PSTPIP2: variants seen among roughly 807,000 people sequenced by gnomAD.
PSTPIP2 encodes proline-serine-threonine phosphatase interacting protein 2.
In PSTPIP2, 33 loss-of-function variants were observed where a neutral mutation model predicts 63.3. The ratio of observed to expected loss-of-function variants is 0.52; its 90% CI spans 0.40 to 0.70. The LOEUF (loss-of-function observed/expected upper bound fraction) is 0.70, where lower values mean the gene tolerates loss of function less well. Ranked by LOEUF, PSTPIP2 falls within the 30% of genes least tolerant of loss-of-function variation. The probability of loss-of-function intolerance (pLI) is 0.00; values close to 1 mark genes in which losing one functional copy is unlikely to be tolerated. For synonymous variants in PSTPIP2, 125 were observed against 132.7 expected, an observed-to-expected ratio of 0.94 and a Z score of 0.40; for missense variants, 312 against 400.7, an observed-to-expected ratio of 0.78 and a Z score of 1.89.
At position 45,997,757 on chromosome 18, in the gene PSTPIP2, C is replaced by T. The variant is rs770882059; in HGVS notation, c.634G>A (p.Ala212Thr). 40 of 1,573,168 alleles carry T rather than the reference C, an allele frequency of 2.5e-5. No homozygotes were observed. In the East Asian group the frequency reaches 9.2e-4, roughly 36 times the overall value. ...REEWQSEHIK[A>T]CEAFEAQECE... Reference sequence around the variant, plus strand: ...CTTCCGGTTACGGGTACCTCGCAGGCCTTGATGTGCTCACTCTGCCACTCT... The same window carrying T: ...CTTCCGGTTACGGGTACCTCGCAGGTCTTGATGTGCTCACTCTGCCACTCT... Residue 212 changes from alanine to threonine, a missense_variant, in exon 9 of 15, where the codon GCC becomes ACC. Ala to Thr is a moderately conservative substitution (Grantham distance 58). Transcript: ENST00000409746.
At chr18:46,025,144 G>A (rs551672303) in intron 2 of PSTPIP2, among the ~76,000 whole-genome samples, 1 of 152,174 alleles carries the variant, frequency 6.6e-6, no homozygotes, top group African/African-American at 2.4e-5. Flanking sequence ...GCATTGCAGG[G>A]TCGGTCTCAG....
intron 1 of PSTPIP2, among the ~76,000 whole-genome samples, chr18:46,061,071 AG>A (rs758387675): frequency 6.6e-5 from 10 of 152,228 alleles, no homozygotes; most frequent in Admixed American, 1.3e-4. Flanking sequence ...CGGGAGGCCG[AG>A]ATGGGCAGAT....
At chr18:46,009,384 AAAAAAAAC>A (rs1472517706) in intron 5 of PSTPIP2, among the ~76,000 whole-genome samples, 8 of 136,232 alleles carry the variant, frequency 5.9e-5, no homozygotes, top group African/African-American at 1.8e-4. Flanking sequence ...AAAAAAAAAA[AAAAAAAAC>A]CTAGCTAAAT....
intron 1 of PSTPIP2, among the ~76,000 whole-genome samples, chr18:46,045,153 T>C (rs1293210111): frequency 1.3e-5 from 2 of 152,320 alleles, no homozygotes; most frequent in East Asian, 3.9e-4. Flanking sequence ...GCCATCCCAT[T>C]ACTGGGTATA....
intron 2 of PSTPIP2, 51 bp downstream of exon 2, chr18:46,039,896 G>A (rs1178671999): frequency 6.9e-7 from 1 of 1,445,458 alleles, no homozygotes; most frequent in Admixed American, 1.7e-5. Context: ...CCTTGTCTGT[G>A]TGGAGACATC....
rs542713696 is a variant in PSTPIP2 at position 46,069,194 on chromosome 18, G to A, written c.33+2962C>T. On this transcript the variant is annotated intron_variant, in intron 1 of 14. Coordinates refer to ENST00000409746, the MANE Select transcript of PSTPIP2 (RefSeq NM_024430.4). ...CTGCTTTCATCTACCCTTCCAAAAC[G>A]GGTCCCACTGTCACCCGTGCATGCC... Among the ~76,000 whole-genome samples, 26 of 152,236 alleles carry A rather than the reference G, an allele frequency of 1.7e-4. No individual in the cohort carries two copies. The South Asian group carries it at 3.9e-3, about 23-fold the overall frequency.
chr18:45,986,152 A>G (rs1248653064), intron 14 of PSTPIP2, among the ~76,000 whole-genome samples: 1 of 152,226 alleles, frequency 6.6e-6, no homozygotes, highest in Non-Finnish European at 1.5e-5. Context: ...TAAGTTATTC[A>G]CTAAATTAGA....
intron 1 of PSTPIP2, among the ~76,000 whole-genome samples, chr18:46,057,527 A>G (rs1211548719): frequency 6.6e-6 from 1 of 151,482 alleles, no homozygotes; most frequent in Non-Finnish European, 1.5e-5. Context: ...ATGGGATTTC[A>G]CCACGTTGGC....
chr18:46,016,620 A>G (rs973323274), intron 3 of PSTPIP2, among the ~76,000 whole-genome samples: 6 of 152,184 alleles, frequency 3.9e-5, no homozygotes, highest in African/African-American at 7.2e-5. Context: ...CCATTTTTCT[A>G]TTGCTGCATG....
intron 1 of PSTPIP2, among the ~76,000 whole-genome samples, chr18:46,066,299 C>A (rs1227674965): frequency 1.3e-5 from 2 of 152,058 alleles, no homozygotes; most frequent in Non-Finnish European, 2.9e-5. Flanking sequence ...TGCACTCTAG[C>A]CTGAGTGACA....
At chr18:46,008,922 A>AC (rs1465501005) in intron 5 of PSTPIP2, among the ~76,000 whole-genome samples, 1 of 151,814 alleles carries the variant, frequency 6.6e-6, no homozygotes, top group East Asian at 1.9e-4. Context: ...ACAGCCTTTC[A>AC]CCCCACTGGT....
At chr18:46,045,980 G>A (rs765095947) in intron 1 of PSTPIP2, among the ~76,000 whole-genome samples, 1 of 152,140 alleles carries the variant, frequency 6.6e-6, no homozygotes, top group African/African-American at 2.4e-5. Flanking sequence ...TGAAGCTACG[G>A]TAATTGAAAC....
At chr18:46,010,106 G>A (rs1409895360) in intron 5 of PSTPIP2, among the ~76,000 whole-genome samples, 3 of 152,204 alleles carry the variant, frequency 2.0e-5, no homozygotes, top group Non-Finnish European at 4.4e-5. Flanking sequence ...GGTAAAGCAG[G>A]AAGGCTCTTA....
intron 1 of PSTPIP2, among the ~76,000 whole-genome samples, chr18:46,043,138 C>A (rs1035197042): frequency 1.3e-5 from 2 of 150,298 alleles, no homozygotes; most frequent in African/African-American, 4.9e-5. Flanking sequence ...GTAATCCCAG[C>A]ACTTTGGGAG....
chr18:46,013,673 T>C (rs1199362825), intron 4 of PSTPIP2, among the ~76,000 whole-genome samples: 2 of 152,094 alleles, frequency 1.3e-5, no homozygotes, highest in African/African-American at 4.8e-5. Context: ...TAAGAAAGGA[T>C]GCTGAGGGCA....
chr18:45,992,562 CA>C (rs34243282), intron 10 of PSTPIP2, among the ~76,000 whole-genome samples: 13 of 124,738 alleles, frequency 1.0e-4, no homozygotes, highest in Non-Finnish European at 1.0e-4. Flanking sequence ...GACTCCGTCT[CA>C]AAAAAAAAAA....
intron 14 of PSTPIP2, among the ~76,000 whole-genome samples, chr18:45,986,850 T>C (rs1449819691): frequency 6.6e-6 from 1 of 152,250 alleles, no homozygotes; most frequent in African/African-American, 2.4e-5. Flanking sequence ...CAGCTGATTC[T>C]TTCCTTTGAC....
chr18:46,019,741 T>C (rs533859714), intron 3 of PSTPIP2, among the ~76,000 whole-genome samples: 14 of 152,052 alleles, frequency 9.2e-5, no homozygotes, highest in Non-Finnish European at 1.6e-4. Flanking sequence ...GCAGAGGTTG[T>C]AGTGAGCCAC....
At chr18:46,029,478 G>A (rs1479942812) in intron 2 of PSTPIP2, 5 of 1,038,202 alleles carry the variant, frequency 4.8e-6, no homozygotes, top group Non-Finnish European at 7.6e-6. Context: ...GATTAAGGCA[G>A]TTTATATGGA....
Sources: allele counts gnomAD v4.1 joint callset (sites outside exome capture counted in the v4.1 genomes callset), GRCh38; gene constraint gnomAD v4.1.1; transcripts MANE v1.5; gene names NCBI Gene and HGNC (gene_info 2026-07-23, HGNC 2026-07-21).